The following DRAXIN variants were observed in gnomAD, a reference collection of about 807,000 sequenced individuals.
DRAXIN encodes dorsal inhibitory axon guidance protein, also known as dorsal repulsive axon guidance protein.
In DRAXIN, 27 loss-of-function variants were observed where a neutral mutation model predicts 33.9. The ratio of observed to expected loss-of-function variants is 0.80; its 90% confidence interval spans 0.59 to 1.10. The LOEUF (loss-of-function observed/expected upper bound fraction) is 1.10, where lower values mean the gene tolerates loss of function less well. Ranked by LOEUF, DRAXIN falls within the 50% of genes least tolerant of loss-of-function variation. The pLI is 0.00. For synonymous variants in DRAXIN, 178 were observed against 194.0 expected, an observed-to-expected ratio of 0.92 and a Z score of 0.69; for missense variants, 371 against 460.8, an observed-to-expected ratio of 0.81 and a Z score of 1.78.
intron 1 of DRAXIN, among the ~76,000 whole-genome samples, chr1:11,693,584 T>TG (rs1415018246): frequency 3.3e-5 from 5 of 152,202 alleles, no homozygotes; most frequent in Non-Finnish European, 1.5e-5. Context: ...CAGCCAGGGC[T>TG]GGCAACTGGA....
chr1:11,701,889 C>T (rs776713084), intron 1 of DRAXIN, among the ~76,000 whole-genome samples: 3 of 152,180 alleles, frequency 2.0e-5, no homozygotes, highest in Non-Finnish European at 4.4e-5. Flanking sequence ...CACGTTTCCT[C>T]GGGGGCTCCC....
chr1:11,698,294 C>T (rs970905964), intron 1 of DRAXIN, among the ~76,000 whole-genome samples: 2 of 152,186 alleles, frequency 1.3e-5, no homozygotes, highest in Admixed American at 1.3e-4. Context: ...TAGGATATGA[C>T]TGTTTTGACT....
At chr1:11,712,458 C>T (rs760731431) in intron 5 of DRAXIN, 29 bp downstream of exon 5, 2 of 1,613,400 alleles carry the variant, frequency 1.2e-6, no homozygotes, top group South Asian at 1.1e-5. Context: ...ATTCAAGGCA[C>T]CAGGCTGGGT....
intron 1 of DRAXIN, among the ~76,000 whole-genome samples, chr1:11,702,888 G>A (rs776230042): frequency 6.6e-6 from 1 of 152,050 alleles, no homozygotes; most frequent in Non-Finnish European, 1.5e-5. Flanking sequence ...GATTACAGGC[G>A]CATGCCATCA....
rs1641160051 is a variant in DRAXIN at position 11,694,497 on chromosome 1, G to A, written c.-11+2644G>A. On this transcript the variant is annotated intron_variant, in intron 1 of 6. Transcript: ENST00000294485. This position sits in a 1 kb window ranked among gnomAD's most constrained non-coding sequence, Gnocchi z 4.9. ...CCAGAGAACGAAGTGGCTCACCCCA[G>A]CCGTGCAGATTGGGTTTGAAGCCCA... Among the ~76,000 whole-genome samples the A allele has an allele frequency of 6.6e-6, 1 of 152,178 alleles. No individual in the cohort carries two copies. Among genetic ancestry groups the A allele is most frequent in the Non-Finnish European group, 1.5e-5 (1 of 68,034 alleles).
rs777115169 is a variant in DRAXIN, at chr1:11,706,631, C to G, written c.373C>G (p.Arg125Gly). The change falls in exon 2 of 7, where the codon CGA (arginine) becomes GGA (glycine). Residue 125 changes from arginine to glycine, a missense_variant. Transcript: ENST00000294485. The surrounding 1 kb of genome is among the most constrained non-coding windows in gnomAD (Gnocchi z 5.5). ...LALPYPEKEN[R>G]PPGWERTRKR... ...ATTGCCCTACCCCGAGAAGGAGAAC[C>G]GACCTCCAGGTTGGGAGAGGACCAG... The G allele has an allele frequency of 6.2e-7, 1 of 1,600,280 alleles. No homozygotes were observed. The highest frequency in any genetic ancestry group is 8.5e-7 in the Non-Finnish European group (1 of 1,179,490).
At chr1:11,698,545 G>A (rs1570307429) in intron 1 of DRAXIN, among the ~76,000 whole-genome samples, 1 of 152,174 alleles carries the variant, frequency 6.6e-6, no homozygotes, top group South Asian at 2.1e-4. Context: ...GGAAAAGTTG[G>A]GCAGATCAAT....
At chr1:11,700,807 C>T (rs2100732555) in intron 1 of DRAXIN, among the ~76,000 whole-genome samples, 1 of 152,310 alleles carries the variant, frequency 6.6e-6, no homozygotes, top group East Asian at 1.9e-4. Flanking sequence ...CCCGCCTTGG[C>T]CAGCCATGAC....
At position 11,692,237 on chromosome 1, in the gene DRAXIN, C is replaced by G. The variant is rs1156507363; in HGVS notation, c.-11+384C>G. On this transcript the variant is annotated intron_variant, in intron 1 of 6. Coordinates refer to ENST00000294485, the MANE Select transcript of DRAXIN (RefSeq NM_198545.4). This position sits in a 1 kb window ranked among gnomAD's most constrained non-coding sequence, Gnocchi z 5.8. The stretch of plus-strand genomic sequence containing the variant: ...TCCCTGACCCAGTCTCCCTTTGTCT[C>G]TCTGTCTCTGAGTCTCCGGGTGGTC... Among the ~76,000 whole-genome samples the G allele has an allele frequency of 6.6e-6, 1 of 152,226 alleles. No homozygotes were observed. The highest frequency in any genetic ancestry group is 1.5e-5 in the Non-Finnish European group (1 of 68,048).
At chr1:11,690,028 T>G (rs772921560), upstream of DRAXIN, among the ~76,000 whole-genome samples, 1 of 152,080 alleles carries the variant, frequency 6.6e-6, no homozygotes, top group Admixed American at 6.5e-5. This position sits in a 1 kb window ranked among gnomAD's most constrained non-coding sequence, Gnocchi z 4.2. Context: ...CCAAAAGAAC[T>G]GCCCCAGCAA....
chr1:11,697,042 T>C (rs1367963245), intron 1 of DRAXIN, among the ~76,000 whole-genome samples: 1 of 140,316 alleles, frequency 7.1e-6, no homozygotes, highest in African/African-American at 2.6e-5. Flanking sequence ...TCTTAATAAT[T>C]AAAAAAAAAA....
intron 1 of DRAXIN, among the ~76,000 whole-genome samples, chr1:11,703,303 C>T (rs1557688626): frequency 6.6e-6 from 1 of 152,254 alleles, no homozygotes; most frequent in East Asian, 1.9e-4. Flanking sequence ...AACAAGGCTT[C>T]CTGGAGGAAG....
At position 11,719,585 on chromosome 1, in the gene DRAXIN, G is replaced by A. The variant is rs1641630118; in HGVS notation, c.939G>A (p.Gly313=). The change falls in exon 7 of 7, where the codon GGG becomes GGA. Residue 313 remains glycine (G), a splice_region_variant and synonymous_variant. Transcript: ENST00000294485. ...KCFDDCMCVE[G]LRCYAKFHRN... is the part of the protein sequence containing the mutation. ...CCCCCCTTGCCTCCACTCGCCCAGG[G>A]CTGCGCTGCTATGCCAAATTCCACC... 1.2e-6 allele frequency: 2 copies of A among 1,610,988 alleles called. No homozygotes were observed. Among genetic ancestry groups the A allele is most frequent in the African/African-American group, 1.3e-5 (1 of 74,852 alleles).
rs1570325727 is a variant in DRAXIN at position 11,723,993 on chromosome 1, G to A, written c.*4297G>A. 2 of 152,148 alleles carry A rather than the reference G, an allele frequency of 1.3e-5. No homozygotes were observed. The highest frequency in any genetic ancestry group is 6.5e-5 in the Admixed American group (1 of 15,276). 9.4% of individuals were successfully genotyped at this position (152,148 alleles called of 1,614,324 possible). The stretch of plus-strand genomic sequence containing the variant: ...TTATTCTAGGAGAATTTTAGATGTC[G>A]GTTCTTTGACAATGACCCATCACAT... On this transcript the variant is annotated 3_prime_UTR_variant, in exon 7 of 7. Coordinates refer to ENST00000294485, the MANE Select transcript of DRAXIN (RefSeq NM_198545.4).
chr1:11,719,631 A>C lies in DRAXIN; in HGVS notation c.985A>C (p.Arg329=). 1 of 1,614,028 alleles carries C rather than the reference A, an allele frequency of 6.2e-7. No homozygotes were observed. Among genetic ancestry groups the C allele is most frequent in the Non-Finnish European group, 8.5e-7 (1 of 1,179,992 alleles). Residue 329 remains arginine (R), a synonymous_variant, in exon 7 of 7, where the codon AGG becomes CGG. Coordinates refer to ENST00000294485, the MANE Select transcript of DRAXIN (RefSeq NM_198545.4). ...KFHRNRRVTR[R]KGRCVEPETA... ...CCACCGGAACCGCAGGGTTACACGG[A>C]GGAAAGGGCGCTGTGTGGAGCCCGA...
intron 1 of DRAXIN, among the ~76,000 whole-genome samples, chr1:11,703,619 C>T (rs1395162367): frequency 2.0e-5 from 3 of 152,112 alleles, no homozygotes; most frequent in Admixed American, 1.3e-4. Context: ...GGTCACAACC[C>T]GAGTAGCCAT....
At chr1:11,710,500 A>G (rs12085723) in intron 3 of DRAXIN, among the ~76,000 whole-genome samples, 78,831 of 148,998 alleles carry the variant, frequency 0.53, 20,893 homozygotes, top group East Asian at 0.8. Flanking sequence ...GTCTCAAGGG[A>G]AAAAAAAAAT....
upstream of DRAXIN, among the ~76,000 whole-genome samples, chr1:11,688,475 C>T (rs111623306): frequency 1.2e-4 from 19 of 152,086 alleles, 1 homozygote; most frequent in African/African-American, 4.6e-4. This position sits in a 1 kb window ranked among gnomAD's most constrained non-coding sequence, Gnocchi z 4.6. Context: ...GCAGGCGAAT[C>T]GCTTGAACTT....
In DRAXIN at chr1:11,696,445, G is replaced by C. The variant is rs1188316689; in HGVS notation, c.-11+4592G>C. On this transcript the variant is annotated intron_variant, in intron 1 of 6. Coordinates refer to ENST00000294485, the MANE Select transcript of DRAXIN (RefSeq NM_198545.4). This position sits in a 1 kb window ranked among gnomAD's most constrained non-coding sequence, Gnocchi z 4.7. ...TACTAAAAATACAAAAATTAGCCGG[G>C]CATGGTGGTGGGAGCCTGTAATCCC... is the stretch of plus-strand genomic sequence containing the variant. Among the ~76,000 whole-genome samples the C allele has an allele frequency of 6.6e-6, 1 of 152,120 alleles. No homozygotes were observed. The highest frequency in any genetic ancestry group is 2.4e-5 in the African/African-American group (1 of 41,420).
Sources: allele counts gnomAD v4.1 joint callset (sites outside exome capture counted in the v4.1 genomes callset), GRCh38; gene constraint gnomAD v4.1.1; non-coding constraint Gnocchi (gnomAD v3.1); transcripts MANE v1.5; gene names NCBI Gene and HGNC (gene_info 2026-07-23, HGNC 2026-07-21).